The following LRRC72 variants were observed in gnomAD, a reference collection of about 807,000 sequenced individuals.
LRRC72 encodes leucine-rich repeat-containing protein 72.
In LRRC72, 41 loss-of-function variants were observed where a neutral mutation model predicts 35.8. That is an observed-to-expected ratio of 1.15 (90% CI 0.89 to 1.49). LRRC72 has a LOEUF of 1.49. LRRC72 is among the 40% of genes most tolerant of loss of function. LRRC72 has a pLI of 0.00. For missense variants in LRRC72, 389 were observed against 330.7 expected (o/e 1.18, Z -1.37); for synonymous variants, 118 against 119.2 (o/e 0.99, Z 0.07).
chr7:16,545,404 C>A (rs80104386), intron 3 of LRRC72, among the ~76,000 whole-genome samples: 1 of 152,174 alleles, frequency 6.6e-6, no homozygotes, highest in East Asian at 1.9e-4. Flanking sequence ...ATAAAGAATT[C>A]TTTGAATGGC....
chr7:16,546,268 G>T (rs184269655), intron 3 of LRRC72, among the ~76,000 whole-genome samples: 1 of 151,862 alleles, frequency 6.6e-6, no homozygotes, highest in Non-Finnish European at 1.5e-5. Flanking sequence ...TCATCATGTC[G>T]TTTAATCACT....
At chr7:16,573,925 G>A (rs564002575) in intron 7 of LRRC72, among the ~76,000 whole-genome samples, 31 of 152,156 alleles carry the variant, frequency 2.0e-4, no homozygotes, top group East Asian at 7.7e-4. Context: ...GCTAATATCC[G>A]GAATCTACAA....
At chr7:16,558,582 C>A (rs867013156) in intron 4 of LRRC72, among the ~76,000 whole-genome samples, 1 of 151,746 alleles carries the variant, frequency 6.6e-6, no homozygotes, top group African/African-American at 2.4e-5. Context: ...TGCACTCCAG[C>A]CTGGGCAACA....
intron 2 of LRRC72, among the ~76,000 whole-genome samples, chr7:16,536,258 T>C (rs978376615): frequency 7.2e-5 from 11 of 151,960 alleles, no homozygotes; most frequent in African/African-American, 2.7e-4. Flanking sequence ...CAAAATGCAA[T>C]GCATGAATGT....
chr7:16,559,843 G>A (rs1222451777), intron 5 of LRRC72, among the ~76,000 whole-genome samples: 3 of 151,322 alleles, frequency 2.0e-5, no homozygotes, highest in Admixed American at 2.0e-4. Context: ...TAAGCTGGGT[G>A]AACAGTGTGA....
At chr7:16,537,177 C>T (rs1351877361) in intron 2 of LRRC72, 1 of 153,074 alleles carries the variant, frequency 6.5e-6, no homozygotes, top group Non-Finnish European at 1.5e-5. Flanking sequence ...CCTGCAATTT[C>T]CATCTGAGTC....
intron 5 of LRRC72, among the ~76,000 whole-genome samples, chr7:16,560,763 GA>G (rs925216532): frequency 6.6e-6 from 1 of 150,618 alleles, no homozygotes; most frequent in Non-Finnish European, 1.5e-5. Context: ...TCTAAAAAAA[GA>G]AAAAAATTGT....
At chr7:16,532,154 C>T (rs953339152) in intron 1 of LRRC72, among the ~76,000 whole-genome samples, 2 of 152,206 alleles carry the variant, frequency 1.3e-5, no homozygotes, top group African/African-American at 4.8e-5. Context: ...TCTTCATGTT[C>T]AAAGAATCAT....
rs189222552 is a variant in LRRC72 at position 16,575,333 on chromosome 7, A to T, written c.671-4741A>T. 3.3e-5 allele frequency among the ~76,000 whole-genome samples: 5 copies of T among 152,282 alleles called. No homozygotes were observed. In the East Asian group the frequency reaches 9.7e-4, roughly 29 times the overall value. On this transcript the variant is annotated intron_variant, in intron 7 of 8. Coordinates refer to ENST00000401542, the MANE Select transcript of LRRC72 (RefSeq NM_001195280.2). Reference sequence around the variant, plus strand: ...TCCAGCAGCATCAATATCACTTAGAAACTTGTTACCAATTCTTGCCCCAAA... The same window carrying T: ...TCCAGCAGCATCAATATCACTTAGATACTTGTTACCAATTCTTGCCCCAAA...
At chr7:16,567,320 T>C (rs1357034775) in intron 6 of LRRC72, 71 bp from the exon 7 acceptor site, 2 of 1,060,792 alleles carry the variant, frequency 1.9e-6, no homozygotes, top group African/African-American at 3.3e-5. Flanking sequence ...CTTGAAAGTG[T>C]TCAGTTCTAT....
In LRRC72 at chr7:16,554,663, C is replaced by T. The variant is rs949691948; in HGVS notation, c.235-2697C>T. On this transcript the variant is annotated intron_variant, in intron 3 of 8. Transcript: ENST00000401542. Reference sequence around the variant, plus strand: ...CTAAACAAGATCTTTTAATAGCTCCCCAAGGTCCTCATGATTTGGCTTTGA... The same window carrying T: ...CTAAACAAGATCTTTTAATAGCTCCTCAAGGTCCTCATGATTTGGCTTTGA... Among the ~76,000 whole-genome samples, 14 of 152,186 alleles carry T rather than the reference C, an allele frequency of 9.2e-5. No individual in the cohort carries two copies. The South Asian group carries it at 1.5e-3, about 16-fold the overall frequency.
At chr7:16,548,840 C>T (rs545292510) in intron 3 of LRRC72, among the ~76,000 whole-genome samples, 34 of 152,316 alleles carry the variant, frequency 2.2e-4, no homozygotes, top group African/African-American at 7.9e-4. Context: ...CCAAAGATCC[C>T]GCAACACGAT....
intron 7 of LRRC72, 149 bp downstream of exon 7, chr7:16,567,692 C>T (rs575078): frequency 0.59 from 442,281 of 744,460 alleles, 138,257 homozygotes; most frequent in African/African-American, 0.9. Context: ...ATTTGCTAAC[C>T]TTATAATACT....
intron 5 of LRRC72, among the ~76,000 whole-genome samples, chr7:16,561,582 G>C (rs991656884): frequency 1.2e-4 from 18 of 152,086 alleles, no homozygotes; most frequent in Non-Finnish European, 2.4e-4. Context: ...AATAGTTTAC[G>C]ACCACTACTT....
chr7:16,571,729 C>A lies in LRRC72; in HGVS notation c.670+4186C>A, dbSNP rs113640343. ...TAGGACATTCCCTTGGGTGCCTACA[C>A]CACCAGGGCCCTGGGTTTCAAGCAC... On this transcript the variant is annotated intron_variant, in intron 7 of 8. Transcript: ENST00000401542. Among the ~76,000 whole-genome samples, 1,082 of 152,314 alleles carry A rather than the reference C, an allele frequency of 7.1e-3. 9 individuals carry two copies. The highest frequency in any genetic ancestry group is 0.016 in the South Asian group (75 of 4,828).
intron 5 of LRRC72, among the ~76,000 whole-genome samples, chr7:16,563,312 G>A (rs931918045): frequency 6.6e-6 from 1 of 151,744 alleles, no homozygotes; most frequent in Non-Finnish European, 1.5e-5. Flanking sequence ...ATAATAAGTA[G>A]CTTCATACAC....
chr7:16,559,022 G>T, intron 5 of LRRC72, 23 bp downstream of exon 5: 1 of 1,360,394 alleles, frequency 7.4e-7, no homozygotes. Context: ...AATTTTATAT[G>T]GCCATAAGTT....
intron 2 of LRRC72, chr7:16,532,911 C>T (rs949121602): frequency 3.2e-5 from 10 of 313,210 alleles, no homozygotes; most frequent in Non-Finnish European, 4.3e-5. Flanking sequence ...ATAGAAACAA[C>T]GAATATAATT....
chr7:16,580,026 T>C (rs934061719), intron 7 of LRRC72, 48 bp from the exon 8 acceptor site: 1 of 391,042 alleles, frequency 2.6e-6, no homozygotes, highest in South Asian at 2.3e-5. Context: ...TTTTAAATGC[T>C]GGATAAATAT....
Sources: allele counts gnomAD v4.1 joint callset (sites outside exome capture counted in the v4.1 genomes callset), GRCh38; gene constraint gnomAD v4.1.1; transcripts MANE v1.5; gene names NCBI Gene and HGNC (gene_info 2026-07-23, HGNC 2026-07-21).